The following CCZ1 variants were observed in gnomAD, a reference collection of about 807,000 sequenced individuals.
CCZ1 encodes the protein CCZ1 vacuolar protein trafficking and biogenesis associated.
In CCZ1, 19 loss-of-function variants were observed where a neutral mutation model predicts 57.8. The observed-to-expected ratio is 0.33, with a 90% confidence interval of 0.23 to 0.48. The LOEUF is 0.48. Among genes scored for constraint, CCZ1 ranks in the 20% least tolerant of loss-of-function variants. CCZ1 has a pLI of 0.99. For missense variants in CCZ1, 200 were observed against 492.0 expected (o/e 0.41, Z 5.61); for synonymous variants, 81 against 167.0 (o/e 0.49, Z 3.97).
At chr7:5,909,228 C>T (rs1440543968) in intron 7 of CCZ1, among the ~76,000 whole-genome samples, 16 of 148,348 alleles carry the variant, frequency 1.1e-4, no homozygotes, top group Admixed American at 6.7e-4. Flanking sequence ...TCCTTAACTT[C>T]GCAGTCAGGT....
rs1403807114 is a variant in CCZ1, at chr7:5,915,029, T to C, written c.954+2075T>C. Among the ~76,000 whole-genome samples, 4 of 148,456 alleles carry C rather than the reference T, an allele frequency of 2.7e-5. No individual in the cohort carries two copies. In the East Asian group the frequency reaches 8.5e-4, roughly 32 times the overall value. On this transcript the variant is annotated intron_variant, in intron 10 of 14. Coordinates refer to ENST00000325974, the MANE Select transcript of CCZ1 (RefSeq NM_015622.6). ...GGAATCCAGAACAGTAGTTCTCATG[T>C]GTGAGACGGTACAAGGAAATCTTGG...
chr7:5,910,774 C>T lies in CCZ1; in HGVS notation c.780+658C>T, dbSNP rs1472956855. The stretch of plus-strand genomic sequence containing the variant: ...TATTGGGACAGAGTTTTGTTCTTTT[C>T]GCCCAGGCTGGAGTGCAGTAGTGCA... On this transcript the variant is annotated intron_variant, in intron 8 of 14. Transcript: ENST00000325974. Among the ~76,000 whole-genome samples the T allele has an allele frequency of 1.1e-4, 16 of 145,220 alleles. 1 individual carries two copies. Among genetic ancestry groups the T allele is most frequent in the South Asian group, 2.3e-4 (1 of 4,354 alleles).
rs1781775971 is a variant in CCZ1, at chr7:5,905,216, A to G, written c.645A>G (p.Glu215=). ...AGTCCTTTATTAATAGAATGGAGGA[A>G]AGCCTGAATATAGTCAAATACACTG... ...KIQSFINRME[E]SLNIVKYTAF... The change falls in exon 7 of 15, where the codon GAA becomes GAG. Residue 215 remains glutamate (E), a synonymous_variant. Transcript: ENST00000325974. The G allele has an allele frequency of 1.9e-6, 3 of 1,561,876 alleles. No individual in the cohort carries two copies. Among genetic ancestry groups the G allele is most frequent in the Non-Finnish European group, 1.7e-6 (2 of 1,152,098 alleles).
chr7:5,907,335 C>T (rs903628086), intron 7 of CCZ1, among the ~76,000 whole-genome samples: 3 of 149,470 alleles, frequency 2.0e-5, no homozygotes, highest in African/African-American at 7.4e-5. Flanking sequence ...AGAGGGATGG[C>T]TCCTCCACAG....
At position 5,916,110 on chromosome 7, in the gene CCZ1, G is replaced by A. The variant is rs370471168; in HGVS notation, c.955-2757G>A. Among the ~76,000 whole-genome samples the A allele has an allele frequency of 2.6e-3, 166 of 63,704 alleles. 40 individuals are homozygous for A. Among genetic ancestry groups the A allele is most frequent in the African/African-American group, 8.3e-3 (156 of 18,784 alleles). The allele number at this position is 63,704 out of a possible 152,430, so 41.8% of individuals were successfully genotyped here. A position where few individuals can be genotyped will look rare whatever the true frequency, so the allele number is the denominator to read the frequency against. ...GGAGAATCTCTTGAACTTGGGAGGC[G>A]GAGGTTGCAGTGAGCCAAGATCGTG... On this transcript the variant is annotated intron_variant, in intron 10 of 14. Coordinates refer to ENST00000325974, the MANE Select transcript of CCZ1 (RefSeq NM_015622.6).
rs934138446 is a variant in CCZ1, at chr7:5,913,835, G to C, written c.954+881G>C. On this transcript the variant is annotated intron_variant, in intron 10 of 14. Transcript: ENST00000325974. ...CTTGCACAGACAGGCCCACAGCTGA[G>C]CATCCATCCCTGGGTGACAATCGAG... Among the ~76,000 whole-genome samples the C allele has an allele frequency of 2.8e-4, 33 of 118,196 alleles. 2 individuals carry two copies. The highest frequency in any genetic ancestry group is 9.2e-4 in the African/African-American group (32 of 34,604). The allele number at this position is 118,196 out of a possible 152,430, so 77.5% of individuals were successfully genotyped here.
chr7:5,899,378 TGTGTGG>T (rs1259001912), intron 1 of CCZ1, among the ~76,000 whole-genome samples: 1,102 of 98,838 alleles, frequency 0.011, 17 homozygotes, highest in Admixed American at 0.019. Flanking sequence ...TGTGTGTGTG[TGTGTGG>T]TTTTTCTGAG....
At position 5,904,403 on chromosome 7, in the gene CCZ1, A is replaced by T. The variant is rs1228134803; in HGVS notation, c.523-691A>T. 5.5e-5 allele frequency among the ~76,000 whole-genome samples: 8 copies of T among 146,570 alleles called. No homozygotes were observed. In the South Asian group the frequency reaches 6.8e-4, roughly 12 times the overall value. On this transcript the variant is annotated intron_variant, in intron 6 of 14. Coordinates refer to ENST00000325974, the MANE Select transcript of CCZ1 (RefSeq NM_015622.6). ...GCCTGGCCAGGAATTAAAAACTTGA[A>T]AGTGCTAGCTGGGCACAGTGGCTCA...
chr7:5,910,112 C>T lies in CCZ1; in HGVS notation c.776C>T (p.Pro259Leu). The T allele has an allele frequency of 1.3e-6, 2 of 1,578,830 alleles. No individual in the cohort carries two copies. The highest frequency in any genetic ancestry group is 1.7e-5 in the Admixed American group (1 of 57,834). ...TTSLFPRHIE[P>L]ELAGRDSPIR... is the part of the protein sequence containing the mutation. ...TCCCTTTTTCCAAGGCACATCGAAC[C>T]TGAGGTATGATGGGTACCATAGCTG... The change falls in exon 8 of 15, where the codon CCT becomes CTT. Residue 259 changes from proline (P) to leucine (L), a missense_variant. Transcript: ENST00000325974.
At position 5,920,951 on chromosome 7, in the gene CCZ1, G is replaced by GTTTT. The variant is rs201738735; in HGVS notation, c.1106+1002_1106+1005dup. 1.9e-4 allele frequency among the ~76,000 whole-genome samples: 16 copies of GTTTT among 83,848 alleles called. 1 individual carries two copies. Among genetic ancestry groups the GTTTT allele is most frequent in the African/African-American group, 6.4e-4 (12 of 18,606 alleles). The allele number at this position is 83,848 out of a possible 152,430, so 55.0% of individuals were successfully genotyped here. A position where few individuals can be genotyped will look rare whatever the true frequency, so the allele number is the denominator to read the frequency against. On this transcript the variant is annotated intron_variant, in intron 12 of 14. Coordinates refer to ENST00000325974, the MANE Select transcript of CCZ1 (RefSeq NM_015622.6). ...TTAATGTTCATACGTTGTTTTTTGGGTTTTTTTTTTTTTTTTTTTTAAGAC... is the reference window on the plus strand; with the variant it reads ...TTAATGTTCATACGTTGTTTTTTGGGTTTTTTTTTTTTTTTTTTTTTTTTAAGAC...
At chr7:5,916,767 C>T (rs1161638228) in intron 10 of CCZ1, among the ~76,000 whole-genome samples, 2 of 143,766 alleles carry the variant, frequency 1.4e-5, no homozygotes, top group African/African-American at 2.8e-5. Flanking sequence ...AGAGGTGGAG[C>T]GGGTGCTGTG....
At chr7:5,920,470 C>CTTTTTTTTTTTTTTTTTT (rs200899553) in intron 12 of CCZ1, among the ~76,000 whole-genome samples, 11 of 95,956 alleles carry the variant, frequency 1.1e-4, no homozygotes, top group South Asian at 5.5e-4. Flanking sequence ...TTCTCCCTGG[C>CTTTTTTTTTTTTTTTTTT]TTTTTTTTTT....
chr7:5,915,003 G>A (rs1409245867), intron 10 of CCZ1, among the ~76,000 whole-genome samples: 1 of 148,040 alleles, frequency 6.8e-6, no homozygotes, highest in East Asian at 2.2e-4. Flanking sequence ...AGGAACACTT[G>A]GGAATCCAGA....
chr7:5,924,321 A>C (rs201931835), intron 14 of CCZ1, among the ~76,000 whole-genome samples: 12,261 of 72,898 alleles, frequency 0.17, 1,531 homozygotes, highest in East Asian at 0.42. Context: ...AACTCCTAGG[A>C]TCAAGCAGTC....
intron 7 of CCZ1, among the ~76,000 whole-genome samples, chr7:5,909,031 A>G (rs528138380): frequency 6.8e-6 from 1 of 147,024 alleles, no homozygotes; most frequent in African/African-American, 2.5e-5. Context: ...TGCTCCTAAA[A>G]TGAAACAGTG....
In CCZ1 at chr7:5,905,388, C is replaced by T. The variant is rs1781787054; in HGVS notation, c.698+119C>T. 3 of 599,668 alleles carry T rather than the reference C, an allele frequency of 5.0e-6. No individual in the cohort carries two copies. In the East Asian group the frequency reaches 1.1e-4, roughly 22 times the overall value. The allele number at this position is 599,668 out of a possible 1,614,324, so 37.1% of individuals were successfully genotyped here. Reference sequence around the variant, plus strand: ...TGCAGCGGGGAGGATGGGTAGGAAGCATCTTCATAGATATTGTCAAAATAA... The same window carrying T: ...TGCAGCGGGGAGGATGGGTAGGAAGTATCTTCATAGATATTGTCAAAATAA... On this transcript the variant is annotated intron_variant, in intron 7 of 14. Transcript: ENST00000325974.
intron 8 of CCZ1, among the ~76,000 whole-genome samples, chr7:5,910,845 C>T (rs1412331949): frequency 6.8e-6 from 1 of 147,438 alleles, no homozygotes; most frequent in African/African-American, 2.5e-5. Context: ...AAACAATTCT[C>T]CGGCCTCAGG....
In CCZ1 at chr7:5,901,639, G is replaced by C. The variant is rs376158625; in HGVS notation, c.391-18G>C. The C allele has an allele frequency of 6.3e-7, 1 of 1,593,136 alleles. No individual in the cohort carries two copies. The highest frequency in any genetic ancestry group is 1.1e-5 in the South Asian group (1 of 87,644). On this transcript the variant is annotated intron_variant, in intron 4 of 14. Transcript: ENST00000325974. ...TTTCCCTTGAACTGAGCTGTGTGCT[G>C]TGTTTTCGCGTCTGCAGGACAAGGT...
intron 12 of CCZ1, among the ~76,000 whole-genome samples, chr7:5,920,951 GT>G (rs201738735): frequency 0.047 from 3,969 of 83,790 alleles, 87 homozygotes; most frequent in African/African-American, 0.11. Flanking sequence ...TGTTTTTTGG[GT>G]TTTTTTTTTT....
Sources: allele counts gnomAD v4.1 joint callset (sites outside exome capture counted in the v4.1 genomes callset), GRCh38; gene constraint gnomAD v4.1.1; transcripts MANE v1.5; gene names NCBI Gene and HGNC (gene_info 2026-07-23, HGNC 2026-07-21).